Variants in DCUN1D2 observed in about 807,000 individuals in gnomAD.
DCUN1D2 encodes the protein DCN1-like protein 2.
DCUN1D2 carries 29 observed loss-of-function variants against 30.9 expected under a neutral mutation model. The observed-to-expected ratio is 0.94, with a 90% CI of 0.70 to 1.28. The LOEUF (loss-of-function observed/expected upper bound fraction) is 1.28, where lower values mean the gene tolerates loss of function less well. Among genes scored for constraint, DCUN1D2 ranks in the 50% most tolerant of loss-of-function variants. The pLI, the probability that DCUN1D2 is intolerant of heterozygous loss-of-function variation, is 0.00. For missense variants in DCUN1D2, 325 were observed against 316.9 expected (o/e 1.03, Z -0.19); for synonymous variants, 121 against 115.3 (o/e 1.05, Z -0.32).
At chr13:113,477,368 T>G (rs2044635137) in intron 3 of DCUN1D2, among the ~76,000 whole-genome samples, 1 of 152,230 alleles carries the variant, frequency 6.6e-6, no homozygotes, top group African/African-American at 2.4e-5. Flanking sequence ...ATTCTAGGTA[T>G]TTTGTATTTT....
intron 2 of DCUN1D2, among the ~76,000 whole-genome samples, chr13:113,483,372 C>T (rs1391833865): frequency 6.6e-6 from 1 of 152,210 alleles, no homozygotes; most frequent in African/African-American, 2.4e-5. Context: ...CACGCCACTA[C>T]CCGGGCAAGG....
intron 1 of DCUN1D2, among the ~76,000 whole-genome samples, chr13:113,486,331 G>A (rs2044803099): frequency 6.6e-6 from 1 of 152,136 alleles, no homozygotes; most frequent in African/African-American, 2.4e-5. Context: ...AGGACCAACA[G>A]ACACCAGGGC....
intron 3 of DCUN1D2, 38 bp from the exon 4 acceptor site, chr13:113,474,292 C>T (rs774747404): frequency 4.4e-6 from 7 of 1,606,540 alleles, no homozygotes; most frequent in Admixed American, 3.3e-5. Context: ...GCAGCAGATG[C>T]GCCTCCCTAG....
chr13:113,484,076 T>C lies in DCUN1D2; in HGVS notation c.4-20A>G. ...CTTATGCTTTGGGATGCAAAAGAAG[T>C]AGGAAAGCCAATGAAGCCGCTCCAG... is the stretch of plus-strand genomic sequence containing the variant. On this transcript the variant is annotated intron_variant, in intron 1 of 6. Transcript: ENST00000478244. The C allele has an allele frequency of 6.2e-7, 1 of 1,612,114 alleles. No individual in the cohort carries two copies. The highest frequency in any genetic ancestry group is 8.5e-7 in the Non-Finnish European group (1 of 1,179,836).
rs1566504540 is a variant in DCUN1D2 at position 113,480,730 on chromosome 13, T to G, written c.234A>C (p.Glu78Asp). 2 of 1,614,020 alleles carry G rather than the reference T, an allele frequency of 1.2e-6. No homozygotes were observed. The highest frequency in any genetic ancestry group is 1.7e-6 in the Non-Finnish European group (2 of 1,179,970). The part of the protein sequence containing the change: ...LYGRYKDPQD[E>D]NKIGVDGIQQ... Reference sequence around the variant, plus strand: ...GAATCCCATCGACTCCAATTTTGTTTTCATCTTGTGGATCTGTAGTTAATA... The same window carrying G: ...GAATCCCATCGACTCCAATTTTGTTGTCATCTTGTGGATCTGTAGTTAATA... Residue 78 changes from glutamate (E) to aspartate (D), a missense_variant, in exon 3 of 7, where the codon GAA becomes GAC. Physicochemically the swap from Glu to Asp is conservative, Grantham distance 45. Transcript: ENST00000478244.
At chr13:113,486,396 G>GAAA (rs2044804886) in intron 1 of DCUN1D2, among the ~76,000 whole-genome samples, 1 of 152,160 alleles carries the variant, frequency 6.6e-6, no homozygotes, top group East Asian at 1.9e-4. Context: ...CGGCTACTGT[G>GAAA]CTTAGTACCT....
chr13:113,480,503 C>T lies in DCUN1D2; in HGVS notation c.389+72G>A, dbSNP rs907798276. ...TAAGCAGATATGAAATTAGTATGTA[C>T]AGGTTGCTGAAAAATAATGTTAGAA... is the stretch of plus-strand genomic sequence containing the variant. On this transcript the variant is annotated intron_variant, in intron 3 of 6. Coordinates refer to ENST00000478244, the MANE Select transcript of DCUN1D2 (RefSeq NM_001014283.2). 5.2e-6 allele frequency: 8 copies of T among 1,536,862 alleles called. No individual in the cohort carries two copies. In the African/African-American group the frequency reaches 1.1e-4, roughly 21 times the overall value.
chr13:113,485,878 C>T (rs2044793562), intron 1 of DCUN1D2, among the ~76,000 whole-genome samples: 1 of 152,152 alleles, frequency 6.6e-6, no homozygotes, highest in South Asian at 2.1e-4. Context: ...GAGTGCACAG[C>T]AGAGGCCTCC....
chr13:113,474,809 C>T (rs903051605), intron 3 of DCUN1D2, among the ~76,000 whole-genome samples: 3 of 152,204 alleles, frequency 2.0e-5, no homozygotes, highest in Non-Finnish European at 2.9e-5. Flanking sequence ...ACTGTTACCT[C>T]TGTCCCATCA....
intron 3 of DCUN1D2, chr13:113,475,289 T>A (rs545015625): frequency 2.0e-5 from 3 of 152,320 alleles, no homozygotes; most frequent in Admixed American, 6.5e-5. Context: ...CACTGCAACG[T>A]CTAGCACAAC....
chr13:113,481,671 C>G (rs998693659), intron 2 of DCUN1D2, among the ~76,000 whole-genome samples: 33 of 152,110 alleles, frequency 2.2e-4, no homozygotes, highest in African/African-American at 8.0e-4. Flanking sequence ...ATCACCTGAG[C>G]TCAGGAGTTC....
intron 5 of DCUN1D2, among the ~76,000 whole-genome samples, chr13:113,460,473 C>A (rs1595565816): frequency 6.6e-6 from 1 of 152,244 alleles, no homozygotes; most frequent in Admixed American, 6.5e-5. Flanking sequence ...CACAGCTGCA[C>A]CTGCTGCCAG....
intron 4 of DCUN1D2, 29 bp downstream of exon 4, chr13:113,474,095 C>T: frequency 6.2e-7 from 1 of 1,601,310 alleles, no homozygotes; most frequent in Non-Finnish European, 8.5e-7. Context: ...TATGATCTGG[C>T]ATTTTACGTA....
intron 4 of DCUN1D2, chr13:113,469,034 G>A (rs2044457848): frequency 6.6e-6 from 1 of 152,506 alleles, no homozygotes; most frequent in Admixed American, 6.5e-5. Flanking sequence ...AACAGGCTGG[G>A]CGGGAAAGGG....
chr13:113,489,183 G>A (rs1345078073), intron 1 of DCUN1D2: 1 of 981,844 alleles, frequency 1.0e-6, no homozygotes, highest in Non-Finnish European at 1.2e-6. Flanking sequence ...GCTAGAGGGA[G>A]GGGGAGTTAA....
chr13:113,458,905 A>G (rs983122256), intron 6 of DCUN1D2, among the ~76,000 whole-genome samples: 2 of 152,170 alleles, frequency 1.3e-5, no homozygotes, highest in Non-Finnish European at 2.9e-5. Flanking sequence ...AGTCCTAAAC[A>G]CGGGGGGAGA....
intron 4 of DCUN1D2, among the ~76,000 whole-genome samples, chr13:113,467,194 T>G (rs751826277): frequency 6.6e-6 from 1 of 152,188 alleles, no homozygotes; most frequent in African/African-American, 2.4e-5. Context: ...GACCAGCCAG[T>G]TTAGACCACA....
At chr13:113,484,105 TG>T in intron 1 of DCUN1D2, 49 bp from the exon 2 acceptor site, 6 of 1,606,624 alleles carry the variant, frequency 3.7e-6, no homozygotes, top group Non-Finnish European at 5.1e-6. Flanking sequence ...GCTCCAGGTT[TG>T]TCCCAGCTTT....
intron 4 of DCUN1D2, among the ~76,000 whole-genome samples, chr13:113,465,913 T>A (rs1287236348): frequency 6.6e-6 from 1 of 151,980 alleles, no homozygotes; most frequent in Non-Finnish European, 1.5e-5. Context: ...TGAGATGGAG[T>A]CTTGCTCTGT....
Sources: allele counts gnomAD v4.1 joint callset (sites outside exome capture counted in the v4.1 genomes callset), GRCh38; gene constraint gnomAD v4.1.1; transcripts MANE v1.5; gene names NCBI Gene and HGNC (gene_info 2026-07-23, HGNC 2026-07-21).